The following CPS1 variants were observed in gnomAD, a reference collection of about 807,000 sequenced individuals.
CPS1 encodes the protein carbamoyl-phosphate synthase [ammonia], mitochondrial.
Under a neutral mutation model 174.6 loss-of-function variants are expected in CPS1, and 109 were observed. That is an observed-to-expected ratio of 0.62 (90% CI 0.53 to 0.73). CPS1 has a LOEUF of 0.73. Ranked by LOEUF, CPS1 falls within the 30% of genes least tolerant of loss-of-function variation. The probability of loss-of-function intolerance (pLI) is 0.00; values close to 1 mark genes in which losing one functional copy is unlikely to be tolerated. For synonymous variants in CPS1, 637 were observed against 632.0 expected (o/e 1.01, Z -0.12); for missense variants, 1,689 against 1,821.9 (o/e 0.93, Z 1.33).
chr2:210,637,723 C>A lies in CPS1; in HGVS notation c.2709C>A (p.Thr903=), dbSNP rs774243804. 1 of 1,613,862 alleles carries A rather than the reference C, an allele frequency of 6.2e-7. No individual in the cohort carries two copies. Among genetic ancestry groups the A allele is most frequent in the Non-Finnish European group, 8.5e-7 (1 of 1,179,898 alleles). ...GLNSESMTEE[T]LKRAKEIGFS... is the part of the protein sequence containing the mutation. ...CTAGTGAGTCCATGACAGAAGAAAC[C>A]CTGAAAAGGGCAAAGGAGATTGGGT... The change falls in exon 22 of 38, where the codon ACC becomes ACA. Residue 903 remains threonine (T), a synonymous_variant. Coordinates refer to ENST00000233072, the MANE Select transcript of CPS1 (RefSeq NM_001875.5).
At chr2:210,666,387 A>G (rs1701097974) in intron 33 of CPS1, among the ~76,000 whole-genome samples, 1 of 151,270 alleles carries the variant, frequency 6.6e-6, no homozygotes, top group South Asian at 2.1e-4. Flanking sequence ...TGTTTTGGAC[A>G]TGAAGTCCTT....
At chr2:210,501,147 G>A (rs1202772265) in intron 1 of CPS1, among the ~76,000 whole-genome samples, 2 of 152,120 alleles carry the variant, frequency 1.3e-5, no homozygotes, top group African/African-American at 2.4e-5. Context: ...TCTCTAGGCT[G>A]CACACATCGG....
intron 34 of CPS1, chr2:210,671,647 T>A (rs796197806): frequency 6.6e-6 from 1 of 152,314 alleles, no homozygotes; most frequent in African/African-American, 2.4e-5. Flanking sequence ...GAGAGGCTGT[T>A]TTATGTGTCA....
intron 28 of CPS1, among the ~76,000 whole-genome samples, chr2:210,653,810 T>G (rs1230758461): frequency 6.6e-6 from 1 of 152,164 alleles, no homozygotes; most frequent in Non-Finnish European, 1.5e-5. Flanking sequence ...TGCTGAGCAC[T>G]CAAAGTTGGA....
intron 15 of CPS1, among the ~76,000 whole-genome samples, chr2:210,600,947 A>G (rs1237853385): frequency 6.6e-6 from 1 of 151,964 alleles, no homozygotes; most frequent in Non-Finnish European, 1.5e-5. Flanking sequence ...GAAGTGGTTT[A>G]TCAAGGCTTG....
intron 1 of CPS1, among the ~76,000 whole-genome samples, chr2:210,524,141 C>T (rs923517149): frequency 1.3e-5 from 2 of 152,026 alleles, no homozygotes; most frequent in Non-Finnish European, 2.9e-5. Context: ...CTAACATGTA[C>T]TATGCTCTTT....
intron 33 of CPS1, among the ~76,000 whole-genome samples, chr2:210,666,893 A>G (rs1701119462): frequency 6.6e-6 from 1 of 152,186 alleles, no homozygotes; most frequent in Admixed American, 6.5e-5. Flanking sequence ...TGGGGATGGC[A>G]TTGAATCTAT....
At chr2:210,482,674 GAA>G (rs1239796552) in intron 1 of CPS1, among the ~76,000 whole-genome samples, 3 of 83,642 alleles carry the variant, frequency 3.6e-5, no homozygotes, top group African/African-American at 5.5e-5. Context: ...GAGAGAGAGA[GAA>G]AGAGAGAGAG....
chr2:210,536,655 C>T (rs1696262857), intron 1 of CPS1, among the ~76,000 whole-genome samples: 1 of 152,052 alleles, frequency 6.6e-6, no homozygotes, highest in Non-Finnish European at 1.5e-5. Flanking sequence ...GATATAAGCC[C>T]CATGGATTGG....
intron 5 of CPS1, 59 bp downstream of exon 5, chr2:210,579,829 T>C: frequency 7.1e-7 from 1 of 1,405,744 alleles, no homozygotes. Flanking sequence ...TGTGTGTGTG[T>C]GTGTGGTGTT....
intron 1 of CPS1, among the ~76,000 whole-genome samples, chr2:210,486,147 CA>C (rs1484945949): frequency 0.024 from 3,229 of 132,698 alleles, 104 homozygotes; most frequent in African/African-American, 0.08. Flanking sequence ...CACACACACA[CA>C]CACACACACA....
chr2:210,660,432 G>A, intron 31 of CPS1, 53 bp from the exon 32 acceptor site: 1 of 1,536,852 alleles, frequency 6.5e-7, no homozygotes, highest in Non-Finnish European at 9.0e-7. Flanking sequence ...TATTAATATT[G>A]TTGTTACTGG....
At chr2:210,520,870 G>T (rs1432193251) in intron 1 of CPS1, among the ~76,000 whole-genome samples, 2 of 151,792 alleles carry the variant, frequency 1.3e-5, no homozygotes, top group African/African-American at 4.8e-5. Context: ...AGAATATTTG[G>T]GTTTGTTTTT....
chr2:210,618,237 T>C (rs1211965624), intron 21 of CPS1: 1 of 152,100 alleles, frequency 6.6e-6, no homozygotes, highest in Non-Finnish European at 1.5e-5. Context: ...AATTTGACAT[T>C]TTCAATCTCC....
At chr2:210,572,010 AT>A (rs951265457) in intron 1 of CPS1, among the ~76,000 whole-genome samples, 2 of 150,142 alleles carry the variant, frequency 1.3e-5, no homozygotes, top group Non-Finnish European at 3.0e-5. Flanking sequence ...AAGAATTAGT[AT>A]TTTTTTTTGT....
intron 21 of CPS1, among the ~76,000 whole-genome samples, chr2:210,626,070 T>C (rs1334280968): frequency 6.6e-6 from 1 of 152,116 alleles, no homozygotes; most frequent in Non-Finnish European, 1.5e-5. Context: ...AAGTATCCAA[T>C]ACCATAATGT....
chr2:210,605,954 G>A (rs1698893426), intron 17 of CPS1, among the ~76,000 whole-genome samples: 5 of 151,822 alleles, frequency 3.3e-5, no homozygotes, highest in Admixed American at 3.3e-4. Context: ...AAGATAGAAG[G>A]GGAGAATAAA....
At chr2:210,646,577 CA>C in intron 25 of CPS1, among the ~76,000 whole-genome samples, 1 of 152,110 alleles carries the variant, frequency 6.6e-6, no homozygotes, top group Non-Finnish European at 1.5e-5. Context: ...TACTAATATT[CA>C]TTAGTGGGTC....
chr2:210,492,918 C>T (rs2007748), intron 1 of CPS1, among the ~76,000 whole-genome samples: 61,769 of 151,758 alleles, frequency 0.41, 14,174 homozygotes, highest in Non-Finnish European at 0.53. Flanking sequence ...CAGAATATAG[C>T]GGCTGGGCTA....
Sources: gnomAD v4.1 joint callset for allele counts (sites outside exome capture counted in the v4.1 genomes callset) on GRCh38, gnomAD v4.1.1 for gene constraint, MANE v1.5 for transcripts, NCBI Gene and HGNC (gene_info 2026-07-23, HGNC 2026-07-21) for gene names.